Variants in CSNK1G3 observed in about 807,000 individuals in gnomAD.
CSNK1G3 encodes casein kinase 1 gamma 3.
A neutral mutation model predicts 64.3 loss-of-function variants in CSNK1G3; 23 were observed. The ratio of observed to expected loss-of-function variants is 0.36; its 90% CI spans 0.26 to 0.51. CSNK1G3 has a LOEUF of 0.51. CSNK1G3 is among the 20% of genes least tolerant of loss of function. The pLI is 0.96. For missense variants in CSNK1G3, 357 were observed against 510.5 expected (o/e 0.70, Z 2.90); for synonymous variants, 158 against 162.2 (o/e 0.97, Z 0.20).
At chr5:123,591,402 A>G in exon 10 of CSNK1G3, 1 of 1,607,232 alleles carries the variant, frequency 6.2e-7, no homozygotes, top group South Asian at 1.1e-5. Context: ...AGATGCAACA[A>G]TCCAAAAACC....
Position 123,586,533 on chromosome 5 carries a change from C to G in CSNK1G3, c.674-1535C>G, listed in dbSNP as rs996335695. ...TGCTATTTTTAATAGCATATACTTA[C>G]ATTTTATAATAAAAAGTACAAGAAA... On this transcript the variant is annotated intron_variant, in intron 6 of 12. Transcript: ENST00000345990. Among the ~76,000 whole-genome samples, 69 of 152,216 alleles carry G rather than the reference C, an allele frequency of 4.5e-4. No homozygotes were observed. In the South Asian group the frequency reaches 0.013, roughly 30 times the overall value.
At chr5:123,532,516 A>G (rs1221330155) in intron 1 of CSNK1G3, among the ~76,000 whole-genome samples, 1 of 151,822 alleles carries the variant, frequency 6.6e-6, no homozygotes, top group Non-Finnish European at 1.5e-5. Context: ...TTTTTTTAAG[A>G]TCACATAATC....
At position 123,545,874 on chromosome 5, in the gene CSNK1G3, A is replaced by G. The variant is rs1054317511; in HGVS notation, c.178+33A>G. 2.7e-6 allele frequency: 4 copies of G among 1,506,172 alleles called. No individual in the cohort carries two copies. The African/African-American group carries it at 5.5e-5, about 21-fold the overall frequency. 93.3% of individuals were successfully genotyped at this position (1,506,172 alleles called of 1,614,324 possible). The stretch of plus-strand genomic sequence containing the variant: ...TATTTTGTTTATTCCATTATGTTAG[A>G]AACATTTTAAAAATTGGAAGATACT... On this transcript the variant is annotated intron_variant, in intron 2 of 12. Coordinates refer to ENST00000345990, the Ensembl canonical transcript of CSNK1G3.
Position 123,545,678 on chromosome 5 carries a change from G to A in CSNK1G3, c.15G>A (p.Lys5=), listed in dbSNP as rs1186199184. Residue 5 remains lysine (K), a synonymous_variant, in exon 2 of 13, where the codon AAG becomes AAA. Coordinates refer to ENST00000345990, the Ensembl canonical transcript of CSNK1G3. ...GCAAACTTGATATGGAAAATAAAAA[G>A]AAAGACAAGGACAAATCAGATGATA... 1.9e-6 allele frequency: 3 copies of A among 1,611,016 alleles called. No homozygotes were observed. The East Asian group carries it at 6.7e-5, about 36-fold the overall frequency.
intron 6 of CSNK1G3, among the ~76,000 whole-genome samples, chr5:123,582,548 C>CT (rs1355135264): frequency 2.6e-5 from 4 of 152,016 alleles, no homozygotes; most frequent in Non-Finnish European, 5.9e-5. Context: ...GACTATGTAC[C>CT]TTTTTAATTG....
chr5:123,595,009 T>C (rs369029956), intron 10 of CSNK1G3, 30 bp from the exon 11 acceptor site: 10 of 1,591,114 alleles, frequency 6.3e-6, no homozygotes, highest in Non-Finnish European at 8.6e-6. Flanking sequence ...TCTTCTTCCA[T>C]GCATGCCATA....
intron 10 of CSNK1G3, among the ~76,000 whole-genome samples, chr5:123,596,740 A>G (rs1032437562): frequency 6.6e-6 from 1 of 152,252 alleles, no homozygotes; most frequent in East Asian, 1.9e-4. Context: ...CTAATATTCA[A>G]TAAGTGATTA....
chr5:123,579,986 A>C (rs969159298), intron 6 of CSNK1G3, among the ~76,000 whole-genome samples: 1 of 151,998 alleles, frequency 6.6e-6, no homozygotes, highest in African/African-American at 2.4e-5. Context: ...GAGGAATTAA[A>C]GCATTTGGCA....
chr5:123,601,294 T>C (rs1794456831), intron 10 of CSNK1G3, among the ~76,000 whole-genome samples: 1 of 152,176 alleles, frequency 6.6e-6, no homozygotes, highest in African/African-American at 2.4e-5. Flanking sequence ...AGACACAAAT[T>C]TTAAGTGAAA....
chr5:123,559,981 T>G (rs1785367088), intron 4 of CSNK1G3, among the ~76,000 whole-genome samples: 1 of 152,110 alleles, frequency 6.6e-6, no homozygotes, highest in Non-Finnish European at 1.5e-5. Flanking sequence ...AAAATAGATA[T>G]ATTTAAGTAA....
At chr5:123,546,567 A>C (rs989773797) in intron 2 of CSNK1G3, among the ~76,000 whole-genome samples, 17 of 152,064 alleles carry the variant, frequency 1.1e-4, no homozygotes, top group Admixed American at 7.9e-4. Context: ...TTTCCATTGC[A>C]AAAAACTAAG....
At chr5:123,592,229 A>G (rs1217493233) in intron 10 of CSNK1G3, among the ~76,000 whole-genome samples, 1 of 152,002 alleles carries the variant, frequency 6.6e-6, no homozygotes, top group African/African-American at 2.4e-5. Flanking sequence ...GGGAGAGTGA[A>G]TAATATAAAA....
chr5:123,610,792 A>T (rs906359047), intron 12 of CSNK1G3, among the ~76,000 whole-genome samples: 2 of 152,166 alleles, frequency 1.3e-5, no homozygotes, highest in Non-Finnish European at 2.9e-5. Flanking sequence ...CCTGGGCAAC[A>T]TAGTGAGATG....
intron 1 of CSNK1G3, among the ~76,000 whole-genome samples, chr5:123,531,671 A>G (rs1344792668): frequency 6.6e-6 from 1 of 152,052 alleles, no homozygotes; most frequent in East Asian, 1.9e-4. Context: ...AGATATTTCA[A>G]TAAGTTAGTA....
intron 6 of CSNK1G3, among the ~76,000 whole-genome samples, chr5:123,581,641 G>C (rs959089675): frequency 6.6e-6 from 1 of 151,334 alleles, no homozygotes; most frequent in Non-Finnish European, 1.5e-5. Context: ...TTAGTGAACT[G>C]TTCCTGTGTA....
At chr5:123,527,604 T>A (rs1248246624) in intron 1 of CSNK1G3, among the ~76,000 whole-genome samples, 1 of 152,176 alleles carries the variant, frequency 6.6e-6, no homozygotes, top group African/African-American at 2.4e-5. Flanking sequence ...CCTTTTAAAT[T>A]TGTGGCCTTT....
chr5:123,615,588 C>CA (rs1228731250), exon 13 of CSNK1G3: 1 of 133,748 alleles, frequency 7.5e-6, no homozygotes, highest in East Asian at 2.9e-4. Context: ...GAAGTGCCTG[C>CA]ATATGAACAA....
rs543310522 is a variant in CSNK1G3 at position 123,537,051 on chromosome 5, A to G, written c.-247-8366A>G. On this transcript the variant is annotated intron_variant, in intron 1 of 12. Coordinates refer to ENST00000345990, the Ensembl canonical transcript of CSNK1G3. Reference sequence around the variant, plus strand: ...GGAGACTTCTCAAATAACTGAAAATAGAACTACCACTGGATCCAGCAATCT... The same window carrying G: ...GGAGACTTCTCAAATAACTGAAAATGGAACTACCACTGGATCCAGCAATCT... 2.6e-5 allele frequency among the ~76,000 whole-genome samples: 4 copies of G among 152,278 alleles called. No individual in the cohort carries two copies. In the South Asian group the frequency reaches 8.3e-4, roughly 32 times the overall value.
chr5:123,583,359 GT>G (rs10611933), intron 6 of CSNK1G3, among the ~76,000 whole-genome samples: 2,854 of 111,218 alleles, frequency 0.026, 59 homozygotes, highest in African/African-American at 0.083. Context: ...TAGAAATCCA[GT>G]TTTTTTTTTT....
Sources: gnomAD v4.1 joint callset for allele counts (sites outside exome capture counted in the v4.1 genomes callset) on GRCh38, gnomAD v4.1.1 for gene constraint, MANE v1.5 for transcripts, NCBI Gene and HGNC (gene_info 2026-07-23, HGNC 2026-07-21) for gene names.